The following SMARCAD1 variants were observed in gnomAD, a reference collection of about 807,000 sequenced individuals.
The protein encoded by SMARCAD1 is SNF2 related chromatin remodeling ATPase with DExD box 1.
Under a neutral mutation model 127.1 loss-of-function variants are expected in SMARCAD1, and 25 were observed. The observed-to-expected ratio is 0.20, with a 90% confidence interval of 0.14 to 0.27. The LOEUF is 0.27. SMARCAD1 is among the 10% of genes least tolerant of loss of function. The pLI, the probability that SMARCAD1 is intolerant of heterozygous loss-of-function variation, is 1.00. For missense variants in SMARCAD1, 807 were observed against 1,206.0 expected, an observed-to-expected ratio of 0.67 and a Z score of 4.90; for synonymous variants, 400 against 396.9, an observed-to-expected ratio of 1.01 and a Z score of -0.09.
chr4:94,286,925 C>T (rs999275518), intron 23 of SMARCAD1, among the ~76,000 whole-genome samples: 8 of 152,032 alleles, frequency 5.3e-5, no homozygotes, highest in African/African-American at 1.7e-4. Flanking sequence ...AGTGCAGAGG[C>T]GCAATCTCCG....
chr4:94,240,754 C>T (rs1193565821), intron 5 of SMARCAD1, 152 bp from the exon 6 acceptor site: 21 of 614,210 alleles, frequency 3.4e-5, no homozygotes, highest in Middle Eastern at 4.4e-4. Flanking sequence ...CTTTTTTTTT[C>T]AATTCAGTCA....
chr4:94,250,051 C>T (rs895343515), intron 7 of SMARCAD1, among the ~76,000 whole-genome samples: 2 of 151,686 alleles, frequency 1.3e-5, no homozygotes, highest in African/African-American at 4.8e-5. Flanking sequence ...TAACCCTGCC[C>T]CCATCAAGTA....
At chr4:94,213,402 T>C (rs1199226081) in intron 2 of SMARCAD1, among the ~76,000 whole-genome samples, 1 of 151,984 alleles carries the variant, frequency 6.6e-6, no homozygotes, top group Non-Finnish European at 1.5e-5. Flanking sequence ...CTAATATGTG[T>C]GTGGAGGGTT....
chr4:94,210,084 T>C lies in SMARCAD1; in HGVS notation c.190+1500T>C, dbSNP rs535162837. 2.2e-3 allele frequency among the ~76,000 whole-genome samples: 339 copies of C among 152,366 alleles called. 3 individuals carry two copies. Among genetic ancestry groups the C allele is most frequent in the South Asian group, 4.6e-3 (22 of 4,832 alleles). ...TTTAGTTATTTATCAGTATTGGTCA[T>C]GTGAAATCTTTAATTTCCTTTAGTG... On this transcript the variant is annotated intron_variant, in intron 2 of 23. Transcript: ENST00000354268.
chr4:94,276,889 T>TA (rs1274610537), intron 15 of SMARCAD1, 133 bp from the exon 16 acceptor site: 1 of 940,022 alleles, frequency 1.1e-6, no homozygotes, highest in Non-Finnish European at 1.6e-6. Context: ...CTATATCATT[T>TA]ATCACAGAAT....
chr4:94,282,200 C>A (rs1175364980), intron 21 of SMARCAD1, among the ~76,000 whole-genome samples: 1 of 76,000 alleles, frequency 1.3e-5, no homozygotes, highest in Admixed American at 1.8e-4. Context: ...CCTGGGTTCA[C>A]GCCATTCTGC....
intron 21 of SMARCAD1, among the ~76,000 whole-genome samples, chr4:94,282,860 G>C (rs1401636196): frequency 6.6e-6 from 1 of 152,028 alleles, no homozygotes; most frequent in Non-Finnish European, 1.5e-5. Flanking sequence ...AGTTTAAAAA[G>C]GACAAAATAG....
intron 23 of SMARCAD1, among the ~76,000 whole-genome samples, chr4:94,288,528 A>T (rs1382519527): frequency 2.0e-5 from 3 of 151,970 alleles, no homozygotes; most frequent in African/African-American, 7.3e-5. Context: ...CTAAGAGTTG[A>T]TGTACTATTT....
At chr4:94,254,066 G>A (rs1005443629) in intron 9 of SMARCAD1, among the ~76,000 whole-genome samples, 1 of 152,022 alleles carries the variant, frequency 6.6e-6, no homozygotes, top group Non-Finnish European at 1.5e-5. Context: ...GAGAGTCCCT[G>A]AACAATGGTT....
chr4:94,221,279 G>T (rs1231642132), intron 2 of SMARCAD1, among the ~76,000 whole-genome samples: 1 of 152,182 alleles, frequency 6.6e-6, no homozygotes, highest in Non-Finnish European at 1.5e-5. Context: ...GTATTACTCA[G>T]TGAACTAGTA....
At chr4:94,287,512 G>A (rs1755112888) in intron 23 of SMARCAD1, among the ~76,000 whole-genome samples, 1 of 152,124 alleles carries the variant, frequency 6.6e-6, no homozygotes, top group Non-Finnish European at 1.5e-5. Context: ...GCTTGCCTTA[G>A]TTGTTACCAG....
At chr4:94,216,606 AACT>A (rs1051848495) in intron 2 of SMARCAD1, among the ~76,000 whole-genome samples, 18 of 152,208 alleles carry the variant, frequency 1.2e-4, no homozygotes, top group African/African-American at 4.3e-4. Flanking sequence ...TGCATTGAAC[AACT>A]ACTCCTCATT....
At position 94,249,702 on chromosome 4, in the gene SMARCAD1, C is replaced by A; in HGVS notation, c.754C>A (p.Gln252Lys). 1 of 1,610,056 alleles carries A rather than the reference C, an allele frequency of 6.2e-7. No individual in the cohort carries two copies. The highest frequency in any genetic ancestry group is 8.5e-7 in the Non-Finnish European group (1 of 1,176,900). ...AGAATCTAGCAGTAATTGGGAAAAG[C>A]AGGAAAGTATTGTACTGAAATTGCA... The part of the protein sequence containing the change: ...SAESSSNWEK[Q>K]ESIVLKLQKE... Residue 252 changes from glutamine (Q) to lysine (K), a missense_variant, in exon 7 of 24, where the codon CAG (glutamine) becomes AAG (lysine). Gln to Lys is a moderately conservative substitution (Grantham distance 53). Transcript: ENST00000354268.
At chr4:94,218,023 G>T (rs911685992) in intron 2 of SMARCAD1, among the ~76,000 whole-genome samples, 1 of 152,038 alleles carries the variant, frequency 6.6e-6, no homozygotes, top group African/African-American at 2.4e-5. Context: ...TCTACATCTT[G>T]TTTATTTTTG....
At chr4:94,268,574 G>T (rs1374486282) in intron 10 of SMARCAD1, among the ~76,000 whole-genome samples, 2 of 152,172 alleles carry the variant, frequency 1.3e-5, no homozygotes, top group Non-Finnish European at 2.9e-5. Context: ...CGTAGGATGG[G>T]TGGGTCAGGA....
At chr4:94,219,807 T>G (rs1743809698) in intron 2 of SMARCAD1, among the ~76,000 whole-genome samples, 1 of 152,226 alleles carries the variant, frequency 6.6e-6, no homozygotes, top group African/African-American at 2.4e-5. Flanking sequence ...ACATAGTTAC[T>G]CATGAACATG....
intron 14 of SMARCAD1, among the ~76,000 whole-genome samples, chr4:94,275,516 G>C (rs574947905): frequency 2.0e-5 from 3 of 152,044 alleles, no homozygotes; most frequent in African/African-American, 7.2e-5. Flanking sequence ...TTCTTGTGTA[G>C]GAGTCTGTCC....
At chr4:94,255,798 T>A (rs555814307) in intron 9 of SMARCAD1, among the ~76,000 whole-genome samples, 2 of 152,146 alleles carry the variant, frequency 1.3e-5, no homozygotes, top group South Asian at 4.2e-4. Flanking sequence ...TTTATAATCA[T>A]TTATTAGTCA....
At position 94,270,737 on chromosome 4, in the gene SMARCAD1, C is replaced by G; in HGVS notation, c.1491C>G (p.Leu497=). The G allele has an allele frequency of 3.1e-6, 5 of 1,613,238 alleles. No individual in the cohort carries two copies. The highest frequency in any genetic ancestry group is 1.1e-5 in the South Asian group (1 of 91,048). The change falls in exon 11 of 24, where the codon CTC becomes CTG. Residue 497 remains leucine (L), a synonymous_variant. Coordinates refer to ENST00000354268, the MANE Select transcript of SMARCAD1 (RefSeq NM_020159.5). ...ACTCTCTCTTTACCAGTTTGTCACT[C>G]AAGCCCTATCAGAAGGTTGGTTTGA... The part of the protein sequence containing the change: ...QPSILNQSLS[L]KPYQKVGLNW...
Sources: allele counts gnomAD v4.1 joint callset (sites outside exome capture counted in the v4.1 genomes callset), GRCh38; gene constraint gnomAD v4.1.1; transcripts MANE v1.5; gene names NCBI Gene and HGNC (gene_info 2026-07-23, HGNC 2026-07-21).